RBFOX1: variants seen among roughly 807,000 people sequenced by gnomAD.
RBFOX1 encodes RNA binding protein fox-1 homolog 1.
In RBFOX1, 8 loss-of-function variants were observed where a neutral mutation model predicts 57.7. That is an observed-to-expected ratio of 0.14 (90% CI 0.08 to 0.25). The LOEUF (loss-of-function observed/expected upper bound fraction) is 0.25, where lower values mean the gene tolerates loss of function less well. RBFOX1 is among the 10% of genes least tolerant of loss of function. The pLI is 1.00. For missense variants in RBFOX1, 611 were observed against 548.5 expected, an observed-to-expected ratio of 1.11 and a Z score of -1.14; for synonymous variants, 326 against 222.4, an observed-to-expected ratio of 1.47 and a Z score of -4.15.
chr16:6,164,649 G>T (rs1382222618), intron 1 of RBFOX1, among the ~76,000 whole-genome samples: 1 of 150,092 alleles, frequency 6.7e-6, no homozygotes, highest in African/African-American at 2.5e-5. Flanking sequence ...GTTTTGTTTT[G>T]TTTTTTTTTA....
intron 2 of RBFOX1, among the ~76,000 whole-genome samples, chr16:6,318,554 C>G (rs373000980): frequency 1.3e-5 from 2 of 152,146 alleles, no homozygotes; most frequent in African/African-American, 4.8e-5. Context: ...ACATGACCTT[C>G]TCATTCCTCT....
chr16:7,142,632 A>G (rs1202403079), intron 4 of RBFOX1, among the ~76,000 whole-genome samples: 1 of 152,178 alleles, frequency 6.6e-6, no homozygotes, highest in Non-Finnish European at 1.5e-5. Context: ...ACTGTCAATC[A>G]GAGCATTTTG....
intron 5 of RBFOX1, among the ~76,000 whole-genome samples, chr16:7,555,068 T>C (rs1377071143): frequency 6.6e-6 from 1 of 152,164 alleles, no homozygotes; most frequent in Non-Finnish European, 1.5e-5. Context: ...GGATAAAGGG[T>C]ATTTGCTATT....
chr16:7,514,968 C>A (rs1415214330), intron 4 of RBFOX1, among the ~76,000 whole-genome samples: 1 of 152,150 alleles, frequency 6.6e-6, no homozygotes, highest in Non-Finnish European at 1.5e-5. Context: ...ATTGTCTGTA[C>A]CACTGCTTAT....
chr16:7,076,223 G>C (rs974287846), intron 4 of RBFOX1, among the ~76,000 whole-genome samples: 1 of 151,090 alleles, frequency 6.6e-6, no homozygotes, highest in East Asian at 2.0e-4. Flanking sequence ...TAGTAGAGAT[G>C]GGGTTTCACC....
chr16:6,335,041 T>C (rs1357137934), intron 2 of RBFOX1, among the ~76,000 whole-genome samples: 1 of 152,384 alleles, frequency 6.6e-6, no homozygotes. Context: ...CCTGTTAGTA[T>C]TTCTAACTAA....
intron 1 of RBFOX1, among the ~76,000 whole-genome samples, chr16:5,429,953 C>A (rs140982824): frequency 6.6e-6 from 1 of 152,300 alleles, no homozygotes; most frequent in Admixed American, 6.5e-5. Flanking sequence ...TTGTGGTGCA[C>A]TTCTTCATTT....
intron 4 of RBFOX1, among the ~76,000 whole-genome samples, chr16:7,116,987 T>C (rs1434591421): frequency 6.6e-6 from 1 of 152,046 alleles, no homozygotes; most frequent in East Asian, 1.9e-4. Flanking sequence ...GAAGGGTTTG[T>C]TTCCTCTGAG....
chr16:7,026,082 G>T (rs1346504686), intron 3 of RBFOX1, among the ~76,000 whole-genome samples: 2 of 152,170 alleles, frequency 1.3e-5, no homozygotes, highest in African/African-American at 4.8e-5. Flanking sequence ...AGGCTGGGGT[G>T]CTTGCTATGT....
At chr16:6,558,170 G>A (rs1197386929) in intron 2 of RBFOX1, among the ~76,000 whole-genome samples, 1 of 152,166 alleles carries the variant, frequency 6.6e-6, no homozygotes, top group Non-Finnish European at 1.5e-5. Context: ...TGGGAGGAGT[G>A]CGATAGAGCT....
rs190370644 is a variant in RBFOX1, at chr16:6,558,353, T to C, written c.-63-96250T>C. Among the ~76,000 whole-genome samples the C allele has an allele frequency of 2.4e-3, 358 of 152,280 alleles. 7 individuals are homozygous for C. The highest frequency in any genetic ancestry group is 0.022 in the Admixed American group (333 of 15,300). Reference sequence around the variant, plus strand: ...CTGCTGCTGCTCCTGGCACCCCTGCTGAGATCAGCTCAGTGCAGTCTTCTC... The same window carrying C: ...CTGCTGCTGCTCCTGGCACCCCTGCCGAGATCAGCTCAGTGCAGTCTTCTC... On this transcript the variant is annotated intron_variant, in intron 2 of 15. Transcript: ENST00000550418.
In RBFOX1 at chr16:6,931,837, C is replaced by T. The variant is rs180922136; in HGVS notation, c.-15-120220C>T. Reference sequence around the variant, plus strand: ...GTTATGATTTTGGAGGTCGGAAAGTCCAAGAGCATGGCACTGGTATCTGAC... The same window carrying T: ...GTTATGATTTTGGAGGTCGGAAAGTTCAAGAGCATGGCACTGGTATCTGAC... On this transcript the variant is annotated intron_variant, in intron 3 of 15. Coordinates refer to ENST00000550418, the MANE Select transcript of RBFOX1 (RefSeq NM_018723.4). Among the ~76,000 whole-genome samples the T allele has an allele frequency of 1.3e-3, 203 of 152,234 alleles. 1 individual carries two copies. Among genetic ancestry groups the T allele is most frequent in the Middle Eastern group, 3.4e-3 (1 of 294 alleles).
chr16:6,959,318 A>G (rs1445928379), intron 3 of RBFOX1, among the ~76,000 whole-genome samples: 1 of 152,108 alleles, frequency 6.6e-6, no homozygotes, highest in African/African-American at 2.4e-5. Flanking sequence ...TCTGTTTTTA[A>G]TCTCTCAGAA....
intron 1 of RBFOX1, among the ~76,000 whole-genome samples, chr16:6,166,396 C>T (rs557384773): frequency 6.8e-6 from 1 of 146,200 alleles, no homozygotes; most frequent in African/African-American, 2.5e-5. Flanking sequence ...GGCTGTATTC[C>T]TTGGGGCGGG....
At chr16:5,530,684 C>G (rs530099463) in intron 2 of RBFOX1, among the ~76,000 whole-genome samples, 1 of 152,166 alleles carries the variant, frequency 6.6e-6, no homozygotes, top group Non-Finnish European at 1.5e-5. Context: ...CTCTTCCCAA[C>G]CCATTCCCAG....
chr16:6,110,185 T>C (rs1265304339), intron 1 of RBFOX1, among the ~76,000 whole-genome samples: 1 of 111,866 alleles, frequency 8.9e-6, no homozygotes, highest in Non-Finnish European at 1.8e-5. Context: ...GTTTTCTGTA[T>C]TTTCTTCTTC....
chr16:5,525,336 T>A (rs985569761), intron 2 of RBFOX1, among the ~76,000 whole-genome samples: 2 of 152,054 alleles, frequency 1.3e-5, no homozygotes, highest in African/African-American at 4.8e-5. Flanking sequence ...CTTCCTCTTG[T>A]TTTATACAAC....
At chr16:7,352,039 G>C (rs558456705) in intron 4 of RBFOX1, among the ~76,000 whole-genome samples, 6 of 152,294 alleles carry the variant, frequency 3.9e-5, no homozygotes, top group Non-Finnish European at 8.8e-5. Context: ...GTGGCTGAGA[G>C]TTTCCCCTTA....
At position 6,989,677 on chromosome 16, in the gene RBFOX1, G is replaced by C. The variant is rs1706077925; in HGVS notation, c.-15-62380G>C. Among the ~76,000 whole-genome samples, 3 of 152,152 alleles carry C rather than the reference G, an allele frequency of 2.0e-5. No individual in the cohort carries two copies. In the South Asian group the frequency reaches 6.2e-4, roughly 32 times the overall value. On this transcript the variant is annotated intron_variant, in intron 3 of 15. Coordinates refer to ENST00000550418, the MANE Select transcript of RBFOX1 (RefSeq NM_018723.4). ...AAAGGAACAGAAGCTACTTGGAACA[G>C]AGGTGTTGATGGAAATGAAGAAATA...
Sources: allele counts gnomAD v4.1 joint callset (sites outside exome capture counted in the v4.1 genomes callset), GRCh38; gene constraint gnomAD v4.1.1; transcripts MANE v1.5; gene names NCBI Gene and HGNC (gene_info 2026-07-23, HGNC 2026-07-21).